MROH9: variants seen among roughly 807,000 people sequenced by gnomAD.
MROH9 encodes the protein maestro heat like repeat family member 9.
A neutral mutation model predicts 98.2 loss-of-function variants in MROH9; 92 were observed. The ratio of observed to expected loss-of-function variants is 0.94; its 90% CI spans 0.79 to 1.11. The LOEUF (loss-of-function observed/expected upper bound fraction) is 1.11. Among genes scored for constraint, MROH9 ranks in the 50% most tolerant of loss-of-function variants. MROH9 has a pLI of 0.00. For missense variants in MROH9, 1,057 were observed against 1,014.8 expected (o/e 1.04, Z -0.57); for synonymous variants, 397 against 368.9 (o/e 1.08, Z -0.87).
At position 171,036,800 on chromosome 1, in the gene MROH9, A is replaced by G. The variant is rs538153506; in HGVS notation, c.2281+11380A>G. On this transcript the variant is annotated intron_variant, in intron 20 of 21. Transcript: ENST00000367759. Reference sequence around the variant, plus strand: ...ATGAATACAAAAATAAAAAAAAAAAACTTTGAGTAAAATGAATAAAAGCAA... The same window carrying G: ...ATGAATACAAAAATAAAAAAAAAAAGCTTTGAGTAAAATGAATAAAAGCAA... Among the ~76,000 whole-genome samples, 3 of 150,790 alleles carry G rather than the reference A, an allele frequency of 2.0e-5. No individual in the cohort carries two copies. In the South Asian group the frequency reaches 6.2e-4, roughly 31 times the overall value.
chr1:171,057,159 A>G (rs1653863652), intron 20 of MROH9, among the ~76,000 whole-genome samples: 1 of 152,200 alleles, frequency 6.6e-6, no homozygotes, highest in African/African-American at 2.4e-5. Context: ...CGGGTAATAA[A>G]AAACTACACT....
intron 20 of MROH9, among the ~76,000 whole-genome samples, chr1:171,053,102 C>T (rs935491184): frequency 1.1e-4 from 16 of 152,176 alleles, no homozygotes; most frequent in Admixed American, 6.5e-4. Flanking sequence ...CAACAATTCT[C>T]CTTCTGCTCT....
chr1:170,987,692 C>A (rs745553978), intron 10 of MROH9, among the ~76,000 whole-genome samples: 2 of 152,180 alleles, frequency 1.3e-5, no homozygotes, highest in Non-Finnish European at 2.9e-5. Context: ...TTGTGTTTCA[C>A]AGCTCACACA....
chr1:170,974,691 T>TA (rs1466507561), intron 8 of MROH9, among the ~76,000 whole-genome samples: 1 of 152,066 alleles, frequency 6.6e-6, no homozygotes, highest in Non-Finnish European at 1.5e-5. Flanking sequence ...AAGGAAATTA[T>TA]ACCAGACGAA....
intron 15 of MROH9, among the ~76,000 whole-genome samples, chr1:171,001,169 A>G (rs1200239247): frequency 6.6e-6 from 1 of 151,934 alleles, no homozygotes; most frequent in Non-Finnish European, 1.5e-5. Flanking sequence ...TATCAATTTT[A>G]TTCATCTTTA....
intron 21 of MROH9, 30 bp downstream of exon 21, chr1:171,062,224 A>T: frequency 1.4e-6 from 2 of 1,437,782 alleles, no homozygotes. Context: ...CAAAATCTTT[A>T]TGCATAAATC....
intron 6 of MROH9, 25 bp from the exon 7 acceptor site, chr1:170,965,126 A>AG (rs771209784): frequency 1.3e-6 from 2 of 1,550,696 alleles, no homozygotes; most frequent in Admixed American, 3.4e-5. Flanking sequence ...TCATGGTTCT[A>AG]GGATGACTTT....
chr1:170,985,455 C>T (rs558490779), intron 9 of MROH9, among the ~76,000 whole-genome samples: 52 of 152,188 alleles, frequency 3.4e-4, no homozygotes, highest in East Asian at 3.1e-3. Flanking sequence ...TGGAGAGTTA[C>T]GTGTAGATAA....
intron 15 of MROH9, among the ~76,000 whole-genome samples, chr1:171,003,333 C>A (rs1166457165): frequency 2.6e-5 from 4 of 152,112 alleles, no homozygotes; most frequent in Admixed American, 6.6e-5. Context: ...TGTCATATTA[C>A]CAGGTTTGGT....
chr1:171,030,478 T>G (rs1029145595), intron 20 of MROH9, among the ~76,000 whole-genome samples: 4 of 152,184 alleles, frequency 2.6e-5, no homozygotes, highest in African/African-American at 7.2e-5. Context: ...GAGATTCCGG[T>G]ACATTGTCCC....
intron 9 of MROH9, among the ~76,000 whole-genome samples, chr1:170,984,778 T>C (rs1473693643): frequency 6.6e-6 from 1 of 152,152 alleles, no homozygotes; most frequent in African/African-American, 2.4e-5. Context: ...ATTTCCCAAT[T>C]GTGAGACCAA....
At chr1:171,063,980 C>A in intron 21 of MROH9, 119 bp from the exon 22 acceptor site, 3 of 997,484 alleles carry the variant, frequency 3.0e-6, no homozygotes, top group Non-Finnish European at 4.3e-6. Context: ...AGAGGGAATG[C>A]AGAGGAGAGA....
intron 7 of MROH9, among the ~76,000 whole-genome samples, chr1:170,969,540 A>G (rs1258296684): frequency 6.6e-6 from 1 of 152,220 alleles, no homozygotes; most frequent in Admixed American, 6.5e-5. Context: ...GAATTGAGAT[A>G]GACAATGTCT....
intron 15 of MROH9, among the ~76,000 whole-genome samples, chr1:171,013,807 T>C (rs1411268579): frequency 6.6e-6 from 1 of 150,738 alleles, no homozygotes; most frequent in Non-Finnish European, 1.5e-5. Flanking sequence ...CTGACTACAA[T>C]CAGTATGATG....
chr1:170,954,207 A>G (rs1165675370), intron 3 of MROH9, among the ~76,000 whole-genome samples: 2 of 152,062 alleles, frequency 1.3e-5, no homozygotes, highest in East Asian at 1.9e-4. Flanking sequence ...TGCTCCAGCC[A>G]TTTATCTCTG....
intron 20 of MROH9, among the ~76,000 whole-genome samples, chr1:171,054,100 G>A (rs980953999): frequency 1.3e-5 from 2 of 152,118 alleles, no homozygotes; most frequent in African/African-American, 4.8e-5. Context: ...AAATTAATCT[G>A]TTTAGCAAGT....
intron 6 of MROH9, 140 bp downstream of exon 6, chr1:170,962,116 A>G: frequency 1.9e-6 from 1 of 538,908 alleles, no homozygotes; most frequent in Non-Finnish European, 3.3e-6. Flanking sequence ...CAGAAGAGTG[A>G]AATGTAGTCA....
chr1:171,012,772 G>A (rs545797636), intron 15 of MROH9, among the ~76,000 whole-genome samples: 2 of 152,012 alleles, frequency 1.3e-5, no homozygotes, highest in South Asian at 2.1e-4. Flanking sequence ...CAAAGCGCTG[G>A]GATTACAGGC....
chr1:170,998,635 C>T, intron 15 of MROH9: 1 of 1,199,666 alleles, frequency 8.3e-7, no homozygotes, highest in Non-Finnish European at 1.0e-6. Flanking sequence ...CTAGGCAGTA[C>T]TTCTGACCAT....
Sources: gnomAD v4.1 joint callset for allele counts (sites outside exome capture counted in the v4.1 genomes callset) on GRCh38, gnomAD v4.1.1 for gene constraint, MANE v1.5 for transcripts, NCBI Gene and HGNC (gene_info 2026-07-23, HGNC 2026-07-21) for gene names.